Variants in SEMA4G observed in about 807,000 individuals in gnomAD.
The protein encoded by SEMA4G is semaphorin-4G.
In SEMA4G, 59 loss-of-function variants were observed where a neutral mutation model predicts 81.2. The observed-to-expected ratio is 0.73, with a 90% CI of 0.59 to 0.90. The LOEUF is 0.90. SEMA4G is among the 40% of genes least tolerant of loss of function. SEMA4G has a pLI of 0.00. For synonymous variants in SEMA4G, 404 were observed against 433.9 expected, an observed-to-expected ratio of 0.93 and a Z score of 0.86; for missense variants, 952 against 1,102.3, an observed-to-expected ratio of 0.86 and a Z score of 1.93.
exon 14 of SEMA4G, chr10:100,984,396 G>C (rs1269427005): frequency 1.4e-5 from 21 of 1,456,916 alleles, no homozygotes; most frequent in Non-Finnish European, 1.9e-5. Context: ...TGCAGACCCA[G>C]AGCCAGTTCC....
At chr10:100,972,794 C>T (rs905793660) in exon 1 of SEMA4G, 5 of 1,105,120 alleles carry the variant, frequency 4.5e-6, no homozygotes, top group African/African-American at 3.1e-5. Context: ...TGACCCCTGA[C>T]CTTCCAAGTG....
exon 14 of SEMA4G, chr10:100,984,831 C>T (rs1285150909): frequency 2.0e-6 from 3 of 1,521,008 alleles, no homozygotes. Flanking sequence ...CCCTCCTCTC[C>T]CTTCCTGTGT....
chr10:100,979,404 G>A lies in SEMA4G; in HGVS notation c.983+133G>A, dbSNP rs758556916. Reference sequence around the variant, plus strand: ...AGTGAGAATTTTTTTTTTTTTTTAAGAGGGAGTCTTGCTCTGTTGCCAGGC... The same window carrying A: ...AGTGAGAATTTTTTTTTTTTTTTAAAAGGGAGTCTTGCTCTGTTGCCAGGC... On this transcript the variant is annotated intron_variant, in intron 8 of 13. Coordinates refer to ENST00000370250, the Ensembl canonical transcript of SEMA4G. The A allele has an allele frequency of 2.6e-6, 4 of 1,547,686 alleles. No individual in the cohort carries two copies. In the East Asian group the frequency reaches 6.8e-5, roughly 26 times the overall value.
At chr10:100,983,235 C>G in intron 13 of SEMA4G, 70 bp from the exon 15 acceptor site, 1 of 1,444,452 alleles carries the variant, frequency 6.9e-7, no homozygotes, top group South Asian at 1.5e-5. Flanking sequence ...TGGCAGTGAA[C>G]AGTCTGGCTT....
At position 100,973,655 on chromosome 10, in the gene SEMA4G, T is replaced by G; in HGVS notation, c.336+46T>G. ...CCAGCTCCTTTCCTCCCCTTCTTCC[T>G]CAATCAGGGATGCCAGGATTGTTGG... On this transcript the variant is annotated intron_variant, in intron 3 of 13. Coordinates refer to ENST00000370250, the Ensembl canonical transcript of SEMA4G. This position sits in a 1 kb window ranked among gnomAD's most constrained non-coding sequence, Gnocchi z 5.5. 6.4e-7 allele frequency: 1 copy of G among 1,560,120 alleles called. No homozygotes were observed. Among genetic ancestry groups the G allele is most frequent in the South Asian group, 1.1e-5 (1 of 88,634 alleles).
At position 100,973,193 on chromosome 10, in the gene SEMA4G, G is replaced by T. The variant is rs756103359; in HGVS notation, c.189G>T (p.Glu63Asp). The change falls in exon 2 of 14, where the codon GAG becomes GAT. Residue 63 changes from glutamate (E) to aspartate (D), a missense_variant. This residue lies in a region of SEMA4G where 436 missense variants were observed against 488.2 expected (regional missense o/e 0.89). Coordinates refer to ENST00000370250, the Ensembl canonical transcript of SEMA4G. The surrounding 1 kb of genome is among the most constrained non-coding windows in gnomAD (Gnocchi z 5.5). The stretch of plus-strand genomic sequence containing the variant: ...ACTACTCAACACTGCTGCTGGAGGA[G>T]GCCTCAGCAAGGCTGCTGGTGGGAG... 6.2e-7 allele frequency: 1 copy of T among 1,613,822 alleles called. No individual in the cohort carries two copies. Among genetic ancestry groups the T allele is most frequent in the South Asian group, 1.1e-5 (1 of 91,074 alleles).
chr10:100,973,106 C>T lies in SEMA4G; in HGVS notation c.125-23C>T. The T allele has an allele frequency of 1.9e-6, 3 of 1,614,132 alleles. No homozygotes were observed. Among genetic ancestry groups the T allele is most frequent in the Non-Finnish European group, 1.7e-6 (2 of 1,180,014 alleles). On this transcript the variant is annotated intron_variant, in intron 1 of 13. Transcript: ENST00000370250. The surrounding 1 kb of genome is among the most constrained non-coding windows in gnomAD (Gnocchi z 5.5). ...GTGGGGAGGCACCCCAGAACTAGGG[C>T]TCACTGTTCCTGCTCTCCCCAGAGC...
At chr10:100,978,987 ACCGTGTGGC>A (rs746431273) in exon 7 of SEMA4G, 13 of 1,614,056 alleles carry the variant, frequency 8.1e-6, no homozygotes, top group Non-Finnish European at 1.0e-5. Context: ...CGCAGCAGTC[ACCGTGTGGC>A]CCGTGTGGCT....
intron 5 of SEMA4G, 63 bp from the exon 7 acceptor site, chr10:100,978,464 G>A: frequency 6.3e-7 from 1 of 1,594,430 alleles, no homozygotes. Flanking sequence ...CTGCCACCAT[G>A]TATATGTCAT....
exon 10 of SEMA4G, chr10:100,980,173 C>T (rs1203491941): frequency 2.5e-6 from 4 of 1,614,254 alleles, no homozygotes; most frequent in Non-Finnish European, 3.4e-6. Context: ...CCAAGACTTG[C>T]CATCCCTGGT....
intron 6 of SEMA4G, 104 bp from the exon 8 acceptor site, chr10:100,978,745 G>C (rs752248533): frequency 5.8e-6 from 9 of 1,559,022 alleles, no homozygotes; most frequent in Non-Finnish European, 7.0e-6. Context: ...AGGTGAGCCT[G>C]TCCATTCCAT....
chr10:100,976,078 C>A lies in SEMA4G; in HGVS notation c.337-1554C>A, dbSNP rs735137. On this transcript the variant is annotated intron_variant, in intron 3 of 13. Coordinates refer to ENST00000370250, the Ensembl canonical transcript of SEMA4G. ...AGGGGCCTGAGCAGGCTTATGGAGA[C>A]GGGGGACAGATGGTAGTGGCTTGTA... Among the ~76,000 whole-genome samples the A allele has an allele frequency of 7.3e-5, 11 of 151,676 alleles. No homozygotes were observed. The East Asian group carries it at 2.1e-3, about 30-fold the overall frequency.
chr10:100,977,749 T>G lies in SEMA4G; in HGVS notation c.435+19T>G. 6.3e-7 allele frequency: 1 copy of G among 1,588,080 alleles called. No homozygotes were observed. The highest frequency in any genetic ancestry group is 1.1e-5 in the South Asian group (1 of 90,546). On this transcript the variant is annotated intron_variant, in intron 4 of 13. Coordinates refer to ENST00000370250, the Ensembl canonical transcript of SEMA4G. ...AGCCATTGTGAGTATACCTGTGTTG[T>G]GCCAGATCTCTGTTGACTTCATTAG...
exon 14 of SEMA4G, chr10:100,984,804 G>GT: frequency 6.5e-7 from 1 of 1,534,836 alleles, no homozygotes; most frequent in Non-Finnish European, 8.7e-7. Flanking sequence ...GCCTGGGGAG[G>GT]TAAGACTGCA....
chr10:100,982,006 C>T (rs1389157638), intron 13 of SEMA4G, among the ~76,000 whole-genome samples: 1 of 140,338 alleles, frequency 7.1e-6, no homozygotes, highest in Admixed American at 7.6e-5. Flanking sequence ...TGCAGTGAGC[C>T]AAGATCACAC....
downstream of SEMA4G, chr10:100,984,883 C>CA (rs1851356699): frequency 2.0e-6 from 3 of 1,475,798 alleles, no homozygotes; most frequent in East Asian, 5.0e-5. Flanking sequence ...TGGTCATTCT[C>CA]AAGAGTATGA....
intron 8 of SEMA4G, 33 bp downstream of exon 9, chr10:100,979,304 T>G: frequency 1.2e-6 from 2 of 1,613,996 alleles, no homozygotes; most frequent in Non-Finnish European, 1.7e-6. Flanking sequence ...GGCAAGAAAC[T>G]GCGGACAGCA....
At position 100,978,654 on chromosome 10, in the gene SEMA4G, G is replaced by A; in HGVS notation, c.643+14G>A. ...ATTGGCTCAATGGTTAGGAGGATGA[G>A]GCACAGGATGATGGGGGGTAGGGGA... is the stretch of plus-strand genomic sequence containing the variant. On this transcript the variant is annotated intron_variant, in intron 6 of 13. Transcript: ENST00000370250. The A allele has an allele frequency of 6.2e-7, 1 of 1,608,716 alleles. No individual in the cohort carries two copies. The highest frequency in any genetic ancestry group is 8.5e-7 in the Non-Finnish European group (1 of 1,175,160).
chr10:100,979,478 G>C (rs944485849), intron 8 of SEMA4G: 12 of 1,352,668 alleles, frequency 8.9e-6, no homozygotes, highest in Middle Eastern at 2.6e-4. Context: ...CGCCTCCCGG[G>C]TTCAAGTGAT....
Sources: gnomAD v4.1 joint callset for allele counts (sites outside exome capture counted in the v4.1 genomes callset) on GRCh38, gnomAD v4.1.1 for gene constraint, gnomAD v4.1.1 regional missense constraint, Gnocchi (gnomAD v3.1) non-coding constraint, MANE v1.5 for transcripts, NCBI Gene and HGNC (gene_info 2026-07-23, HGNC 2026-07-21) for gene names.